ZDHHC24: variants seen among roughly 807,000 people sequenced by gnomAD.
ZDHHC24 encodes the protein zDHHC palmitoyltransferase 24.
Under a neutral mutation model 23.2 loss-of-function variants are expected in ZDHHC24, and 17 were observed. That is an observed-to-expected ratio of 0.73 (90% CI 0.50 to 1.10). The LOEUF (loss-of-function observed/expected upper bound fraction) is 1.10, where lower values mean the gene tolerates loss of function less well. ZDHHC24 is among the 50% of genes least tolerant of loss of function. The pLI is 0.00. For synonymous variants in ZDHHC24, 186 were observed against 194.5 expected (o/e 0.96, Z 0.36); for missense variants, 366 against 393.0 (o/e 0.93, Z 0.58).
At chr11:66,532,349 G>A, downstream of ZDHHC24, 2 of 424,464 alleles carry the variant, frequency 4.7e-6, no homozygotes, top group South Asian at 2.7e-5. Context: ...CGGTCAAAGT[G>A]AGCTGAGCAG....
At chr11:66,522,093 T>C (rs1460249133) in intron 4 of ZDHHC24, among the ~76,000 whole-genome samples, 3 of 150,354 alleles carry the variant, frequency 2.0e-5, no homozygotes, top group Admixed American at 2.0e-4. Context: ...GGTGGGCGCC[T>C]GTAGTCCCAG....
exon 5 of ZDHHC24, chr11:66,521,228 G>A (rs1856200229): frequency 5.3e-6 from 8 of 1,497,824 alleles, no homozygotes; most frequent in Non-Finnish European, 7.4e-6. Context: ...GGAGGGACGG[G>A]GGCTCCAGAG....
At chr11:66,524,547 T>C (rs1856401563) in intron 4 of ZDHHC24, among the ~76,000 whole-genome samples, 9 of 152,134 alleles carry the variant, frequency 5.9e-5, no homozygotes, top group Admixed American at 5.9e-4. Context: ...ACAGTTCAAC[T>C]GGGCCTCAGA....
downstream of ZDHHC24, chr11:66,520,936 CT>C (rs1174338350): frequency 3.7e-5 from 14 of 373,930 alleles, no homozygotes; most frequent in Non-Finnish European, 6.7e-5. Flanking sequence ...ACAGGCTGGT[CT>C]TGAACTCCTG....
At chr11:66,544,884 A>G (rs1194945947) in intron 1 of ZDHHC24, among the ~76,000 whole-genome samples, 1 of 151,996 alleles carries the variant, frequency 6.6e-6, no homozygotes, top group Non-Finnish European at 1.5e-5. Flanking sequence ...TTTTTTTCTA[A>G]TTATAAATTG....
chr11:66,545,690 A>G lies in ZDHHC24; in HGVS notation c.281+33T>C, dbSNP rs1857294541. ...CCCCTCCCCCCTGTCCAAGGCTCCCACTTCTCCCCGCCCGATCCCGCACCC... is the reference window on the plus strand; with the variant it reads ...CCCCTCCCCCCTGTCCAAGGCTCCCGCTTCTCCCCGCCCGATCCCGCACCC... On this transcript the variant is annotated intron_variant, in intron 1 of 2. Coordinates refer to ENST00000310442, the MANE Select transcript of ZDHHC24 (RefSeq NM_207340.3). The surrounding 1 kb of genome is among the most constrained non-coding windows in gnomAD (Gnocchi z 4.5). The G allele has an allele frequency of 2.0e-6, 3 of 1,474,978 alleles. No individual in the cohort carries two copies. Among genetic ancestry groups the G allele is most frequent in the Non-Finnish European group, 2.7e-6 (3 of 1,117,574 alleles). The allele number at this position is 1,474,978 out of a possible 1,614,324, so 91.4% of individuals were successfully genotyped here. A position where few individuals can be genotyped will look rare whatever the true frequency, so the allele number is the denominator to read the frequency against.
chr11:66,526,722 A>C, intron 4 of ZDHHC24: 1 of 1,614,214 alleles, frequency 6.2e-7, no homozygotes, highest in African/African-American at 1.3e-5. Flanking sequence ...TGGGTCCCCC[A>C]CCAGCCCAGG....
chr11:66,535,155 A>G (rs1856922610), downstream of ZDHHC24, among the ~76,000 whole-genome samples: 1 of 152,060 alleles, frequency 6.6e-6, no homozygotes, highest in South Asian at 2.1e-4. Flanking sequence ...AGCCTCCCAA[A>G]GTGCTGGGAT....
At chr11:66,531,749 C>T, downstream of ZDHHC24, 1 of 1,613,990 alleles carries the variant, frequency 6.2e-7, no homozygotes, top group South Asian at 1.1e-5. Flanking sequence ...CAAGGTAGGC[C>T]CCGCACTTGT....
At chr11:66,543,671 T>C in intron 2 of ZDHHC24, 33 bp downstream of exon 2, 1 of 1,532,602 alleles carries the variant, frequency 6.5e-7, no homozygotes, top group South Asian at 1.2e-5. Flanking sequence ...CCAGGGCCCC[T>C]GCCTCTGTGC....
At chr11:66,531,617 C>G (rs755080922), downstream of ZDHHC24, 6 of 1,613,766 alleles carry the variant, frequency 3.7e-6, no homozygotes, top group Admixed American at 3.3e-5. Flanking sequence ...AACACTGGCA[C>G]GAGGGCTGGT....
At chr11:66,531,941 T>C (rs750944245), downstream of ZDHHC24, 3 of 1,580,428 alleles carry the variant, frequency 1.9e-6, no homozygotes, top group Non-Finnish European at 2.6e-6. Flanking sequence ...CCATGGCCAC[T>C]CCTCCATAGG....
intron 3 of ZDHHC24, chr11:66,527,064 G>T: frequency 1.3e-6 from 2 of 1,510,104 alleles, no homozygotes. Context: ...ACTTCCAAAC[G>T]CAGGAATTCT....
intron 4 of ZDHHC24, chr11:66,522,996 A>G (rs2134792700): frequency 5.4e-6 from 2 of 373,482 alleles, no homozygotes; most frequent in South Asian, 4.1e-5. Context: ...TCGAATAGAG[A>G]GGAACTAACT....
rs377469172 is a variant in ZDHHC24 at position 66,529,950 on chromosome 11, G to A, written c.560-462C>T. ...CCGAGAGCCACTCAAGCTGCACGCC[G>A]TGGTGAGCATCTGGGTGAGGGCAGA... is the stretch of plus-strand genomic sequence containing the variant. On this transcript the variant is annotated intron_variant, in intron 2 of 4. Coordinates refer to the ZDHHC24 transcript ENST00000526986. 49 of 1,600,580 alleles carry A rather than the reference G, an allele frequency of 3.1e-5. No individual in the cohort carries two copies. The highest frequency in any genetic ancestry group is 1.6e-4 in the Middle Eastern group (1 of 6,076).
chr11:66,528,281 C>A (rs75606745), intron 3 of ZDHHC24, among the ~76,000 whole-genome samples: 3,019 of 152,242 alleles, frequency 0.02, 89 homozygotes, highest in African/African-American at 0.069. Flanking sequence ...CAGAAAAGAC[C>A]ACCTTCAAGA....
chr11:66,521,338 C>T lies in ZDHHC24; in HGVS notation c.*150G>A, dbSNP rs770901594. On this transcript the variant is annotated 3_prime_UTR_variant, in exon 5 of 5. Coordinates refer to the ZDHHC24 transcript ENST00000526986. Reference sequence around the variant, plus strand: ...AGTTTGATGTTGAGTTCCGGCTTGCCGCGGCCTGCCGCAATGGAAACATCT... The same window carrying T: ...AGTTTGATGTTGAGTTCCGGCTTGCTGCGGCCTGCCGCAATGGAAACATCT... 7.4e-6 allele frequency: 12 copies of T among 1,614,088 alleles called. No homozygotes were observed. The highest frequency in any genetic ancestry group is 1.7e-5 in the Admixed American group (1 of 59,998).
rs1055158066 is a variant in ZDHHC24, at chr11:66,543,732, G to A, written c.531C>T (p.Leu177=). The part of the protein sequence containing the change: ...AHTPLHMAAL[L]LLPWLMLLTG... ...TGAGCAACATGAGCCAGGGAAGCAG[G>A]AGGAGGGCAGCCATGTGGAGGGGCG... Residue 177 remains leucine, a synonymous_variant, in exon 2 of 3, where the codon CTC becomes CTT. Transcript: ENST00000310442. The A allele has an allele frequency of 3.8e-6, 6 of 1,598,024 alleles. No individual in the cohort carries two copies. Among genetic ancestry groups the A allele is most frequent in the Middle Eastern group, 3.6e-4 (2 of 5,520 alleles).
At chr11:66,527,200 T>A in intron 3 of ZDHHC24, 1 of 569,558 alleles carries the variant, frequency 1.8e-6, no homozygotes, top group East Asian at 2.9e-5. Flanking sequence ...TAATGATACT[T>A]CTTTCTCAAA....
Sources: allele counts gnomAD v4.1 joint callset (sites outside exome capture counted in the v4.1 genomes callset), GRCh38; gene constraint gnomAD v4.1.1; non-coding constraint Gnocchi (gnomAD v3.1); transcripts MANE v1.5; gene names NCBI Gene and HGNC (gene_info 2026-07-23, HGNC 2026-07-21).